SYNE1: variants seen among roughly 807,000 people sequenced by gnomAD.
The protein encoded by SYNE1 is spectrin repeat containing nuclear envelope protein 1.
SYNE1 carries 616 observed loss-of-function variants against 1,111.0 expected under a neutral mutation model. That is an observed-to-expected ratio of 0.55 (90% CI 0.52 to 0.59). The LOEUF (loss-of-function observed/expected upper bound fraction) is 0.59, where lower values mean the gene tolerates loss of function less well. SYNE1 is among the 20% of genes least tolerant of loss of function. The pLI is 0.00. For missense variants in SYNE1, 10,006 were observed against 10,417.0 expected (o/e 0.96, Z 1.72); for synonymous variants, 3,855 against 3,825.8 (o/e 1.01, Z -0.28).
At position 152,279,413 on chromosome 6, in the gene SYNE1, A is replaced by C. The variant is rs1589250273; in HGVS notation, c.18382-1133T>G. 2.0e-5 allele frequency among the ~76,000 whole-genome samples: 3 copies of C among 152,158 alleles called. No homozygotes were observed. The East Asian group carries it at 5.8e-4, about 29-fold the overall frequency. On this transcript the variant is annotated intron_variant, in intron 97 of 145. Coordinates refer to ENST00000367255, the MANE Select transcript of SYNE1 (RefSeq NM_182961.4). ...ATACTTCATTTCCCTATACAAAATC[A>C]AAATTAAGAATATAAAGTCAGGCTG...
rs1380389256 is a variant in SYNE1, at chr6:152,294,028, C to G, written c.17782G>C (p.Gly5928Arg). 6.2e-7 allele frequency: 1 copy of G among 1,614,044 alleles called. No homozygotes were observed. The highest frequency in any genetic ancestry group is 1.7e-5 in the Admixed American group (1 of 60,008). ...TSASQEFYEP[G>R]LEPSATAKLG... ...TTGGCAGTAGCGGATGGCTCCAATC[C>G]CGGTTCATAGAACTCCTGGGATGCG... Residue 5928 changes from glycine to arginine, a missense_variant, in exon 94 of 146, where the codon GGA (glycine) becomes CGA (arginine). By Grantham distance (125) the Gly-to-Arg change is moderately radical. This residue lies in a region of SYNE1 where 4,955 missense variants were observed against 5,017.2 expected (regional missense o/e 0.99). Coordinates refer to ENST00000367255, the MANE Select transcript of SYNE1 (RefSeq NM_182961.4).
intron 51 of SYNE1, among the ~76,000 whole-genome samples, chr6:152,394,975 G>T (rs1231387357): frequency 1.3e-5 from 2 of 151,874 alleles, no homozygotes; most frequent in African/African-American, 4.8e-5. Context: ...TAGAGACAGG[G>T]TTTCACCATG....
intron 95 of SYNE1, among the ~76,000 whole-genome samples, chr6:152,285,237 C>T (rs908537530): frequency 3.5e-4 from 54 of 152,162 alleles, no homozygotes; most frequent in African/African-American, 1.3e-3. Context: ...CAAACCATCA[C>T]CCAGTCCAAT....
intron 3 of SYNE1, among the ~76,000 whole-genome samples, chr6:152,625,531 A>G (rs2099684025): frequency 6.6e-6 from 1 of 152,190 alleles, no homozygotes; most frequent in African/African-American, 2.4e-5. Flanking sequence ...GAAGTAATTG[A>G]TACCAAAGGC....
intron 14 of SYNE1, among the ~76,000 whole-genome samples, chr6:152,472,783 A>G (rs538512853): frequency 1.1e-4 from 16 of 152,354 alleles, no homozygotes; most frequent in Non-Finnish European, 1.8e-4. Flanking sequence ...CTTAAAACTG[A>G]GCATGACAAA....
intron 60 of SYNE1, 112 bp from the exon 61 acceptor site, chr6:152,369,239 G>A: frequency 6.9e-7 from 1 of 1,453,938 alleles, no homozygotes; most frequent in Non-Finnish European, 9.4e-7. Context: ...CGTGTACCCT[G>A]GAGGCTTTAT....
intron 2 of SYNE1, among the ~76,000 whole-genome samples, chr6:152,629,207 A>G (rs572156131): frequency 2.0e-5 from 3 of 151,796 alleles, no homozygotes; most frequent in Admixed American, 2.0e-4. Context: ...TGCATTGGTT[A>G]AGTTTTTGTT....
intron 3 of SYNE1, among the ~76,000 whole-genome samples, chr6:152,617,147 T>C (rs896640215): frequency 5.3e-5 from 8 of 152,214 alleles, no homozygotes; most frequent in African/African-American, 1.4e-4. Flanking sequence ...TTATTTCATC[T>C]GCAAAATAAG....
chr6:152,285,481 G>A (rs893676849), intron 95 of SYNE1, among the ~76,000 whole-genome samples: 8 of 152,112 alleles, frequency 5.3e-5, no homozygotes, highest in African/African-American at 1.9e-4. Flanking sequence ...CTGGATTCTT[G>A]CTGTGAAATA....
At chr6:152,413,743 A>G (rs377528233) in intron 41 of SYNE1, among the ~76,000 whole-genome samples, 14 of 152,280 alleles carry the variant, frequency 9.2e-5, no homozygotes, top group African/African-American at 3.1e-4. Context: ...AAAACATTGA[A>G]AGTCATTCTT....
intron 115 of SYNE1, among the ~76,000 whole-genome samples, chr6:152,228,557 T>C (rs1352426203): frequency 2.0e-5 from 3 of 152,148 alleles, no homozygotes; most frequent in Non-Finnish European, 4.4e-5. Context: ...AAGTAAAGTA[T>C]GGAAGAAAAG....
Position 152,393,802 on chromosome 6 carries a change from A to C in SYNE1, c.7712+1714T>G, listed in dbSNP as rs1396681586. On this transcript the variant is annotated intron_variant, in intron 51 of 145. Transcript: ENST00000367255. ...GAGGACTCAGTGGAAACAGAAAATG[A>C]CTATGATCTGAATTCTGGAATTTCT... 2.0e-5 allele frequency among the ~76,000 whole-genome samples: 3 copies of C among 151,074 alleles called. No homozygotes were observed. The Admixed American group carries it at 2.0e-4, about 10-fold the overall frequency.
At chr6:152,463,066 G>GA (rs1461102226) in intron 19 of SYNE1, among the ~76,000 whole-genome samples, 176 bp from the exon 20 acceptor site, 1 of 152,110 alleles carries the variant, frequency 6.6e-6, no homozygotes, top group Non-Finnish European at 1.5e-5. Flanking sequence ...AAGAAAAAAA[G>GA]AAACTAGCAT....
chr6:152,189,217 C>G (rs768150353), intron 128 of SYNE1, 35 bp downstream of exon 128: 1 of 1,610,626 alleles, frequency 6.2e-7, no homozygotes, highest in South Asian at 1.1e-5. Context: ...AATTTTCCAT[C>G]ATCAAGATAA....
intron 130 of SYNE1, among the ~76,000 whole-genome samples, chr6:152,169,538 G>A (rs554877824): frequency 8.0e-6 from 1 of 124,948 alleles, no homozygotes; most frequent in African/African-American, 3.0e-5. Flanking sequence ...CTCCAGCCTG[G>A]GTGACAGAGC....
intron 133 of SYNE1, 40 bp downstream of exon 133, chr6:152,154,852 A>G (rs1586374952): frequency 6.2e-7 from 1 of 1,612,664 alleles, no homozygotes; most frequent in African/African-American, 1.3e-5. Context: ...GGCTACTTTA[A>G]TAGCAAAATA....
chr6:152,396,608 G>A (rs779401642), intron 50 of SYNE1, among the ~76,000 whole-genome samples, 167 bp downstream of exon 50: 8 of 152,170 alleles, frequency 5.3e-5, no homozygotes, highest in South Asian at 2.1e-4. Flanking sequence ...TTCAGAGTCC[G>A]AAAAATTGAT....
chr6:152,215,162 T>C lies in SYNE1; in HGVS notation c.22192-102A>G, dbSNP rs6928170. 10,089 of 1,361,482 alleles carry C rather than the reference T, an allele frequency of 7.4e-3. 599 individuals carry two copies. In the African/African-American group the frequency reaches 0.12, roughly 17 times the overall value. The allele number at this position is 1,361,482 out of a possible 1,614,324, so 84.3% of individuals were successfully genotyped here. A position where few individuals can be genotyped will look rare whatever the true frequency, so the allele number is the denominator to read the frequency against. ...TCTGATTTCAGGAAGTAGCTGGTCT[T>C]CGGTCTAGTGGCCTCTGCATTTCTA... On this transcript the variant is annotated intron_variant, in intron 121 of 145. Coordinates refer to ENST00000367255, the MANE Select transcript of SYNE1 (RefSeq NM_182961.4).
intron 2 of SYNE1, 30 bp from the exon 3 acceptor site, chr6:152,628,584 TAA>T: frequency 2.1e-6 from 1 of 469,984 alleles, no homozygotes; most frequent in East Asian, 3.5e-5. Flanking sequence ...AGGTACAACA[TAA>T]AAAAAAAATC....
Sources: gnomAD v4.1 joint callset for allele counts (sites outside exome capture counted in the v4.1 genomes callset) on GRCh38, gnomAD v4.1.1 for gene constraint, gnomAD v4.1.1 regional missense constraint, MANE v1.5 for transcripts, NCBI Gene and HGNC (gene_info 2026-07-23, HGNC 2026-07-21) for gene names.